Variants in TXNDC16 observed in about 807,000 individuals in gnomAD.
The protein encoded by TXNDC16 is thioredoxin domain containing 16, also known as thioredoxin domain-containing protein 16.
In TXNDC16, 74 loss-of-function variants were observed where a neutral mutation model predicts 85.6. The observed-to-expected ratio is 0.86, with a 90% CI of 0.72 to 1.05. The LOEUF is 1.05. TXNDC16 is among the 50% of genes least tolerant of loss of function. TXNDC16 has a pLI of 0.00. For missense variants in TXNDC16, 959 were observed against 947.0 expected, an observed-to-expected ratio of 1.01 and a Z score of -0.17; for synonymous variants, 335 against 326.5, an observed-to-expected ratio of 1.03 and a Z score of -0.28.
intron 20 of TXNDC16, among the ~76,000 whole-genome samples, chr14:52,434,723 G>A (rs2034987280): frequency 6.6e-6 from 1 of 152,228 alleles, no homozygotes; most frequent in Non-Finnish European, 1.5e-5. Flanking sequence ...GAACACCACT[G>A]TTGGCAAAGA....
intron 9 of TXNDC16, among the ~76,000 whole-genome samples, chr14:52,491,559 A>C (rs2036408373): frequency 6.7e-6 from 1 of 148,434 alleles, no homozygotes; most frequent in Non-Finnish European, 1.5e-5. Context: ...CAAAAATTAC[A>C]ATCATAAAGA....
chr14:52,515,847 A>G (rs531151334), intron 7 of TXNDC16, among the ~76,000 whole-genome samples: 1 of 152,176 alleles, frequency 6.6e-6, no homozygotes, highest in African/African-American at 2.4e-5. Flanking sequence ...CTCTCCCAAT[A>G]TAGTTCTAAC....
rs915627770 is a variant in TXNDC16, at chr14:52,479,174, A to G, written c.1312+3056T>C. Among the ~76,000 whole-genome samples, 4 of 152,192 alleles carry G rather than the reference A, an allele frequency of 2.6e-5. No individual in the cohort carries two copies. The East Asian group carries it at 7.7e-4, about 29-fold the overall frequency. Reference sequence around the variant, plus strand: ...ACAAGAAACATACCTCAAAGTAATAAAAGCCATCTATGACAAACCCACAGC... The same window carrying G: ...ACAAGAAACATACCTCAAAGTAATAGAAGCCATCTATGACAAACCCACAGC... On this transcript the variant is annotated intron_variant, in intron 14 of 20. Coordinates refer to ENST00000281741, the MANE Select transcript of TXNDC16 (RefSeq NM_020784.3).
rs201655887 is a variant in TXNDC16, at chr14:52,458,546, C to CAA, written c.1619-1374_1619-1373dup. Among the ~76,000 whole-genome samples the CAA allele has an allele frequency of 4.0e-5, 6 of 150,986 alleles. No individual in the cohort carries two copies. In the East Asian group the frequency reaches 9.7e-4, roughly 24 times the overall value. On this transcript the variant is annotated intron_variant, in intron 16 of 20. Transcript: ENST00000281741. ...TGGGCCACAGAGCGAGACTCTGTCT[C>CAA]AAAAAAAATAAAAAGAGAGACGAGA...
At chr14:52,530,700 G>C (rs956928721) in intron 6 of TXNDC16, among the ~76,000 whole-genome samples, 1 of 137,844 alleles carries the variant, frequency 7.3e-6, no homozygotes, top group South Asian at 2.2e-4. Flanking sequence ...TAGATAAGAT[G>C]TATATTTTTT....
At chr14:52,480,977 A>G (rs199859095) in intron 14 of TXNDC16, among the ~76,000 whole-genome samples, 53 of 14,414 alleles carry the variant, frequency 3.7e-3, no homozygotes, top group South Asian at 0.025. Flanking sequence ...ATATATATGT[A>G]TATATATATA....
chr14:52,440,063 A>C (rs567064093), intron 19 of TXNDC16, among the ~76,000 whole-genome samples: 81 of 152,312 alleles, frequency 5.3e-4, no homozygotes, highest in African/African-American at 1.8e-3. Flanking sequence ...TATTTTTCAA[A>C]TGATTTTAAA....
intron 5 of TXNDC16, 37 bp from the exon 6 acceptor site, chr14:52,536,830 T>C: frequency 6.7e-7 from 1 of 1,487,242 alleles, no homozygotes; most frequent in Non-Finnish European, 9.2e-7. Context: ...TATTGAAAAA[T>C]ACAAAAAATA....
rs185899940 is a variant in TXNDC16, at chr14:52,537,702, T to C, written c.244-30A>G. On this transcript the variant is annotated intron_variant, in intron 4 of 20. Coordinates refer to ENST00000281741, the MANE Select transcript of TXNDC16 (RefSeq NM_020784.3). ...AAAAGAGTATACTTAAGTTTTAGCATATATATCAAAAGGTCAAGTTTCTTG... is the reference window on the plus strand; with the variant it reads ...AAAAGAGTATACTTAAGTTTTAGCACATATATCAAAAGGTCAAGTTTCTTG... The C allele has an allele frequency of 6.5e-5, 87 of 1,339,276 alleles. No individual in the cohort carries two copies. In the East Asian group the frequency reaches 1.9e-3, roughly 29 times the overall value. 83.0% of individuals were successfully genotyped at this position (1,339,276 alleles called of 1,614,324 possible). A position where few individuals can be genotyped will look rare whatever the true frequency, so the allele number is the denominator to read the frequency against.
At chr14:52,512,615 T>C (rs2036983091) in intron 8 of TXNDC16, among the ~76,000 whole-genome samples, 1 of 152,164 alleles carries the variant, frequency 6.6e-6, no homozygotes, top group Non-Finnish European at 1.5e-5. Flanking sequence ...AGAATAATGT[T>C]GGAAAATTAT....
intron 7 of TXNDC16, 40 bp downstream of exon 7, chr14:52,519,132 C>T (rs374442143): frequency 1.9e-6 from 3 of 1,586,990 alleles, no homozygotes; most frequent in Non-Finnish European, 2.6e-6. Context: ...TACATAAGTA[C>T]AGAGGCACAG....
intron 7 of TXNDC16, among the ~76,000 whole-genome samples, chr14:52,517,562 T>C (rs2037113310): frequency 6.6e-6 from 1 of 152,062 alleles, no homozygotes; most frequent in African/African-American, 2.4e-5. Context: ...ACCCACCCAC[T>C]TGGCTGAATG....
intron 9 of TXNDC16, among the ~76,000 whole-genome samples, chr14:52,510,342 A>T (rs1186818274): frequency 6.6e-6 from 1 of 152,254 alleles, no homozygotes; most frequent in Non-Finnish European, 1.5e-5. Flanking sequence ...ATATTCCTTA[A>T]GGAGCCCTCT....
intron 14 of TXNDC16, among the ~76,000 whole-genome samples, chr14:52,479,313 G>A (rs1287917557): frequency 6.6e-6 from 1 of 152,120 alleles, no homozygotes. Context: ...GTCCTAGCCA[G>A]AGCAATCAGA....
chr14:52,530,451 TATA>T (rs2037515747), intron 6 of TXNDC16, among the ~76,000 whole-genome samples: 3 of 14,850 alleles, frequency 2.0e-4, no homozygotes, highest in East Asian at 8.5e-3. Flanking sequence ...TATATTATTA[TATA>T]ATAATATATA....
chr14:52,488,634 G>A lies in TXNDC16; in HGVS notation c.985-148C>T, dbSNP rs1029342654. ...GCGGATCATCTGAGGTCAGTAGTTCGAGACCAGCCTGGCCAACATGGTGAA... is the reference window on the plus strand; with the variant it reads ...GCGGATCATCTGAGGTCAGTAGTTCAAGACCAGCCTGGCCAACATGGTGAA... On this transcript the variant is annotated intron_variant, in intron 11 of 20. Coordinates refer to ENST00000281741, the MANE Select transcript of TXNDC16 (RefSeq NM_020784.3). 2.7e-5 allele frequency: 15 copies of A among 550,304 alleles called. No individual in the cohort carries two copies. In the African/African-American group the frequency reaches 2.7e-4, roughly 10 times the overall value. 34.1% of individuals were successfully genotyped at this position (550,304 alleles called of 1,614,324 possible).
intron 14 of TXNDC16, among the ~76,000 whole-genome samples, chr14:52,481,986 T>C (rs1202602306): frequency 6.6e-6 from 1 of 152,164 alleles, no homozygotes; most frequent in African/African-American, 2.4e-5. Context: ...TTGTATTAAC[T>C]GTGTAGCCAC....
At position 52,536,942 on chromosome 14, in the gene TXNDC16, G is replaced by A. The variant is rs142307639; in HGVS notation, c.318-149C>T. ...CCACATACTCCACATACCTACCAGC[G>A]TCCTGGCACATAATACATTCTCAAT... On this transcript the variant is annotated intron_variant, in intron 5 of 20. Transcript: ENST00000281741. 1.1e-3 allele frequency: 642 copies of A among 607,770 alleles called. 2 individuals are homozygous for A. The African/African-American group carries it at 0.011, about 11-fold the overall frequency. The allele number at this position is 607,770 out of a possible 1,614,324, so 37.6% of individuals were successfully genotyped here.
intron 14 of TXNDC16, among the ~76,000 whole-genome samples, chr14:52,475,123 G>A (rs1418100663): frequency 2.6e-5 from 4 of 152,184 alleles, no homozygotes; most frequent in South Asian, 4.1e-4. Context: ...AGAGCTGAGC[G>A]AAAGCGAAAT....
Sources: allele counts gnomAD v4.1 joint callset (sites outside exome capture counted in the v4.1 genomes callset), GRCh38; gene constraint gnomAD v4.1.1; transcripts MANE v1.5; gene names NCBI Gene and HGNC (gene_info 2026-07-23, HGNC 2026-07-21).